SLC39A11: variants seen among roughly 807,000 people sequenced by gnomAD.
SLC39A11 encodes the protein zinc transporter ZIP11.
Under a neutral mutation model 36.1 loss-of-function variants are expected in SLC39A11, and 33 were observed. That is an observed-to-expected ratio of 0.91 (90% confidence interval 0.69 to 1.22). The LOEUF is 1.22. Ranked by LOEUF, SLC39A11 falls within the 50% of genes most tolerant of loss-of-function variation. The pLI, the probability that SLC39A11 is intolerant of heterozygous loss-of-function variation, is 0.00. For missense variants in SLC39A11, 432 were observed against 430.3 expected, an observed-to-expected ratio of 1.00 and a Z score of -0.03; for synonymous variants, 166 against 170.3, an observed-to-expected ratio of 0.97 and a Z score of 0.20.
chr17:72,923,491 C>A (rs1202340082), intron 5 of SLC39A11, among the ~76,000 whole-genome samples: 1 of 152,130 alleles, frequency 6.6e-6, no homozygotes, highest in Admixed American at 6.5e-5. Context: ...AGATAAAATA[C>A]AAGGCATAAG....
chr17:72,810,846 C>T (rs140533742), intron 6 of SLC39A11, among the ~76,000 whole-genome samples: 1,756 of 152,046 alleles, frequency 0.012, 50 homozygotes, highest in African/African-American at 0.037. Context: ...CCACTACATC[C>T]GGCTAATTTT....
At chr17:72,824,549 C>G (rs760694999) in intron 6 of SLC39A11, among the ~76,000 whole-genome samples, 3 of 151,222 alleles carry the variant, frequency 2.0e-5, no homozygotes, top group Non-Finnish European at 4.4e-5. Flanking sequence ...GAGGTTGGAA[C>G]AGTTTGAAGG....
intron 6 of SLC39A11, among the ~76,000 whole-genome samples, chr17:72,754,439 T>C (rs1169022849): frequency 6.6e-6 from 1 of 151,978 alleles, no homozygotes; most frequent in South Asian, 2.1e-4. Flanking sequence ...CAAAAACCTA[T>C]GGAATTTTTT....
chr17:72,971,931 G>A (rs1367198145), intron 4 of SLC39A11, among the ~76,000 whole-genome samples: 2 of 152,210 alleles, frequency 1.3e-5, no homozygotes, highest in South Asian at 2.1e-4. Context: ...GTTGGGACCC[G>A]AGCTTCTCTC....
chr17:72,858,546 A>G (rs2146168426), intron 5 of SLC39A11, among the ~76,000 whole-genome samples: 1 of 152,378 alleles, frequency 6.6e-6, no homozygotes, highest in South Asian at 2.1e-4. Flanking sequence ...ATAGCATTGA[A>G]TCTGTAAATT....
At chr17:72,649,542 C>A (rs1459803485) in intron 7 of SLC39A11, among the ~76,000 whole-genome samples, 1 of 152,268 alleles carries the variant, frequency 6.6e-6, no homozygotes, top group Admixed American at 6.5e-5. Context: ...ACAGAACACA[C>A]TGGCTGGCTC....
intron 7 of SLC39A11, among the ~76,000 whole-genome samples, chr17:72,659,466 T>C (rs537601282): frequency 1.3e-5 from 2 of 152,032 alleles, no homozygotes; most frequent in Non-Finnish European, 2.9e-5. Context: ...CGGGGTGAGC[T>C]AGGTCTTCCT....
intron 6 of SLC39A11, among the ~76,000 whole-genome samples, chr17:72,807,591 T>C (rs2077301680): frequency 6.6e-6 from 1 of 152,170 alleles, no homozygotes; most frequent in African/African-American, 2.4e-5. Flanking sequence ...GGCTGGATAT[T>C]AAGCCGTCTA....
chr17:72,946,531 G>A (rs886639929), intron 5 of SLC39A11, among the ~76,000 whole-genome samples: 6 of 152,184 alleles, frequency 3.9e-5, no homozygotes, highest in African/African-American at 1.4e-4. Flanking sequence ...GCATGGAAAT[G>A]GGAAAGGACT....
intron 7 of SLC39A11, among the ~76,000 whole-genome samples, chr17:72,667,748 T>C (rs150381291): frequency 7.3e-4 from 111 of 152,354 alleles, no homozygotes; most frequent in Middle Eastern, 3.4e-3. Context: ...CACTGCTTAC[T>C]AAGCCCCTGC....
At chr17:72,674,693 T>G (rs1202476581) in intron 7 of SLC39A11, among the ~76,000 whole-genome samples, 1 of 152,246 alleles carries the variant, frequency 6.6e-6, no homozygotes, top group Non-Finnish European at 1.5e-5. Context: ...CTCCATATCC[T>G]CATCACAGAG....
intron 3 of SLC39A11, among the ~76,000 whole-genome samples, chr17:73,047,991 ATATATATATATATAT>A (rs1464358958): frequency 3.1e-3 from 112 of 35,948 alleles, no homozygotes; most frequent in Non-Finnish European, 4.1e-3. Context: ...AAAAAAAAAA[ATATATATATATATAT>A]ATATATATAT....
chr17:72,717,646 C>T (rs771171962), intron 7 of SLC39A11, among the ~76,000 whole-genome samples: 2 of 152,208 alleles, frequency 1.3e-5, no homozygotes, highest in Middle Eastern at 3.2e-3. Context: ...TTAGGCCCAC[C>T]CTAATCCAGT....
chr17:72,989,091 C>T (rs2088975462), intron 4 of SLC39A11, among the ~76,000 whole-genome samples: 1 of 152,188 alleles, frequency 6.6e-6, no homozygotes, highest in Admixed American at 6.5e-5. Context: ...TGCTTCACAA[C>T]AATGTGAACG....
chr17:72,941,781 C>T (rs1003659085), intron 5 of SLC39A11, among the ~76,000 whole-genome samples: 1 of 152,150 alleles, frequency 6.6e-6, no homozygotes, highest in African/African-American at 2.4e-5. Flanking sequence ...GAAAAAGCTT[C>T]TGGCAGTTAT....
At chr17:72,997,433 A>C (rs2089586251) in intron 4 of SLC39A11, among the ~76,000 whole-genome samples, 1 of 151,928 alleles carries the variant, frequency 6.6e-6, no homozygotes, top group South Asian at 2.1e-4. Flanking sequence ...TTATATTTTT[A>C]ATGGAGATGG....
chr17:72,891,598 C>T (rs2081747145), intron 5 of SLC39A11, among the ~76,000 whole-genome samples: 1 of 151,900 alleles, frequency 6.6e-6, no homozygotes, highest in African/African-American at 2.4e-5. Context: ...CTTTTTTGAA[C>T]ATCCTATCAA....
chr17:72,872,688 C>G (rs1214267398), intron 5 of SLC39A11, among the ~76,000 whole-genome samples: 1 of 152,112 alleles, frequency 6.6e-6, no homozygotes, highest in South Asian at 2.1e-4. Context: ...AGTCCCTTGC[C>G]AAAACTAACC....
intron 5 of SLC39A11, among the ~76,000 whole-genome samples, chr17:72,937,502 C>T (rs1361276778): frequency 1.3e-5 from 2 of 152,202 alleles, no homozygotes; most frequent in African/African-American, 4.8e-5. Flanking sequence ...ATCTCACTGG[C>T]CAGCTGGCCT....
Sources: gnomAD v4.1 joint callset for allele counts (sites outside exome capture counted in the v4.1 genomes callset) on GRCh38, gnomAD v4.1.1 for gene constraint, MANE v1.5 for transcripts, NCBI Gene and HGNC (gene_info 2026-07-23, HGNC 2026-07-21) for gene names.